Variants in DAPK2 observed in about 807,000 individuals in gnomAD.
The protein encoded by DAPK2 is death associated protein kinase 2.
In DAPK2, 35 loss-of-function variants were observed where a neutral mutation model predicts 44.1. The ratio of observed to expected loss-of-function variants is 0.79; its 90% CI spans 0.61 to 1.05. The LOEUF is 1.05. Ranked by LOEUF, DAPK2 falls within the 50% of genes least tolerant of loss-of-function variation. The probability of loss-of-function intolerance (pLI) is 0.00; values close to 1 mark genes in which losing one functional copy is unlikely to be tolerated. For missense variants in DAPK2, 453 were observed against 483.2 expected, an observed-to-expected ratio of 0.94 and a Z score of 0.59; for synonymous variants, 174 against 182.6, an observed-to-expected ratio of 0.95 and a Z score of 0.38.
chr15:63,976,032 C>T (rs745470858), intron 2 of DAPK2, among the ~76,000 whole-genome samples: 1 of 152,156 alleles, frequency 6.6e-6, no homozygotes, highest in Non-Finnish European at 1.5e-5. Context: ...ACACCTGGAC[C>T]CACTCAATAA....
At chr15:63,971,155 C>G (rs949452071) in intron 3 of DAPK2, among the ~76,000 whole-genome samples, 2 of 152,288 alleles carry the variant, frequency 1.3e-5, no homozygotes, top group African/African-American at 4.8e-5. Flanking sequence ...AGTGTTCCCC[C>G]CTGCTCCCTG....
chr15:63,965,266 G>C (rs139020170), intron 3 of DAPK2, among the ~76,000 whole-genome samples: 257 of 152,324 alleles, frequency 1.7e-3, no homozygotes, highest in African/African-American at 5.9e-3. Flanking sequence ...TCTGGTTTAG[G>C]AGGCAGAGAC....
chr15:64,002,982 G>GTGTGTT (rs1214891036), intron 1 of DAPK2, among the ~76,000 whole-genome samples: 1 of 145,198 alleles, frequency 6.9e-6, no homozygotes, highest in Non-Finnish European at 1.5e-5. Context: ...ACCTGTGTGT[G>GTGTGTT]TGTGTGTGTG....
intron 1 of DAPK2, among the ~76,000 whole-genome samples, chr15:64,017,250 G>A (rs2079556227): frequency 1.3e-5 from 2 of 152,180 alleles, no homozygotes; most frequent in African/African-American, 2.4e-5. Context: ...GATGTTGAGT[G>A]AGTCACCTAA....
chr15:64,037,132 C>G (rs1347798193), intron 1 of DAPK2, among the ~76,000 whole-genome samples: 1 of 152,212 alleles, frequency 6.6e-6, no homozygotes, highest in African/African-American at 2.4e-5. Context: ...CCATGTGACC[C>G]CAAAGGCCAA....
chr15:64,003,247 C>T (rs2079144596), intron 1 of DAPK2, among the ~76,000 whole-genome samples: 1 of 152,076 alleles, frequency 6.6e-6, no homozygotes, highest in South Asian at 2.1e-4. Flanking sequence ...GGCTGGACTT[C>T]GATCCAGAGC....
In DAPK2 at chr15:64,038,686, TA is replaced by T. The variant is rs58709151; in HGVS notation, c.92+1483del. Among the ~76,000 whole-genome samples the T allele has an allele frequency of 8.0e-3, 1,152 of 144,884 alleles. 7 individuals carry two copies. The highest frequency in any genetic ancestry group is 0.02 in the African/African-American group (806 of 39,666). On this transcript the variant is annotated intron_variant, in intron 1 of 10. Transcript: ENST00000261891. Reference sequence around the variant, plus strand: ...AAGCTCTGTTTCATCTTTGAAAGTTTAAAAAAAAAAAAAGTAAGACAATTAG... The same window carrying T: ...AAGCTCTGTTTCATCTTTGAAAGTTTAAAAAAAAAAAAGTAAGACAATTAG...
At chr15:64,036,338 C>CACAT (rs1555484595) in intron 1 of DAPK2, among the ~76,000 whole-genome samples, 1 of 42,998 alleles carries the variant, frequency 2.3e-5, no homozygotes, top group South Asian at 7.0e-4. Flanking sequence ...TATATATATA[C>CACAT]ATATATATAT....
At chr15:64,031,116 T>C (rs1382128105) in intron 1 of DAPK2, among the ~76,000 whole-genome samples, 2 of 152,136 alleles carry the variant, frequency 1.3e-5, no homozygotes, top group African/African-American at 4.8e-5. Context: ...CCATGAATAC[T>C]TTATTTAACT....
At chr15:63,963,027 T>C (rs938286227) in intron 3 of DAPK2, among the ~76,000 whole-genome samples, 1 of 151,992 alleles carries the variant, frequency 6.6e-6, no homozygotes, top group Non-Finnish European at 1.5e-5. Flanking sequence ...CCACTTTGTT[T>C]ACCTACTCAA....
intron 8 of DAPK2, among the ~76,000 whole-genome samples, chr15:63,913,961 T>TG (rs1477771139): frequency 2.0e-5 from 3 of 152,254 alleles, no homozygotes; most frequent in Non-Finnish European, 2.9e-5. Context: ...ACTTTCTTCC[T>TG]GTCTATGTCA....
At chr15:63,935,873 C>T (rs2077130960) in intron 4 of DAPK2, 1 of 152,158 alleles carries the variant, frequency 6.6e-6, no homozygotes, top group Admixed American at 6.5e-5. Flanking sequence ...AATTCTTCAA[C>T]TCTCTCCTTA....
At chr15:63,998,972 A>T (rs978922493) in intron 1 of DAPK2, among the ~76,000 whole-genome samples, 1 of 152,164 alleles carries the variant, frequency 6.6e-6, no homozygotes, top group Admixed American at 6.5e-5. Context: ...CCTAAAGGAA[A>T]TATTCTATAT....
intron 1 of DAPK2, among the ~76,000 whole-genome samples, chr15:64,028,858 C>A (rs543941615): frequency 6.6e-6 from 1 of 152,012 alleles, no homozygotes; most frequent in African/African-American, 2.4e-5. Flanking sequence ...AGAGAAATGA[C>A]AAAATGTTAT....
At chr15:63,954,476 C>T (rs2077669272) in intron 3 of DAPK2, among the ~76,000 whole-genome samples, 1 of 152,130 alleles carries the variant, frequency 6.6e-6, no homozygotes, top group African/African-American at 2.4e-5. Context: ...GTATTTGTTT[C>T]TGAGTTCTCT....
chr15:63,968,722 G>C (rs879923955), intron 3 of DAPK2, among the ~76,000 whole-genome samples: 6 of 152,206 alleles, frequency 3.9e-5, no homozygotes, highest in Non-Finnish European at 7.3e-5. Context: ...CTGAGGTTCA[G>C]GTGTATCATG....
At chr15:63,982,396 A>G (rs368830719) in intron 2 of DAPK2, among the ~76,000 whole-genome samples, 64 of 152,036 alleles carry the variant, frequency 4.2e-4, no homozygotes, top group Admixed American at 1.4e-3. Flanking sequence ...TCACCATGTT[A>G]GCCAGGCTGG....
intron 3 of DAPK2, among the ~76,000 whole-genome samples, chr15:63,967,821 G>A (rs2078099396): frequency 6.6e-6 from 1 of 152,220 alleles, no homozygotes; most frequent in Non-Finnish European, 1.5e-5. Flanking sequence ...ATACCAGCCT[G>A]AAGAGAGGTT....
chr15:63,952,556 C>A (rs377053380), intron 3 of DAPK2, among the ~76,000 whole-genome samples: 1 of 151,890 alleles, frequency 6.6e-6, no homozygotes, highest in African/African-American at 2.4e-5. Flanking sequence ...AAGAAAGGCC[C>A]GAGAATGTCA....
Sources: allele counts gnomAD v4.1 joint callset (sites outside exome capture counted in the v4.1 genomes callset), GRCh38; gene constraint gnomAD v4.1.1; transcripts MANE v1.5; gene names NCBI Gene and HGNC (gene_info 2026-07-23, HGNC 2026-07-21).